Variants in BRD8 observed in about 807,000 individuals in gnomAD.
BRD8 encodes the protein bromodomain-containing protein 8.
BRD8 carries 67 observed loss-of-function variants against 143.1 expected under a neutral mutation model. The observed-to-expected ratio is 0.47, with a 90% CI of 0.38 to 0.57. BRD8 has a LOEUF of 0.57. Ranked by LOEUF, BRD8 falls within the 20% of genes least tolerant of loss-of-function variation. The probability of loss-of-function intolerance (pLI) is 0.00; values close to 1 mark genes in which losing one functional copy is unlikely to be tolerated. For missense variants in BRD8, 1,103 were observed against 1,503.0 expected, an observed-to-expected ratio of 0.73 and a Z score of 4.40; for synonymous variants, 505 against 517.1, an observed-to-expected ratio of 0.98 and a Z score of 0.32.
intron 20 of BRD8, chr5:138,157,369 G>C: frequency 6.8e-7 from 1 of 1,479,958 alleles, no homozygotes; most frequent in South Asian, 1.2e-5. Flanking sequence ...GGAGAGGGAA[G>C]AGAATCAGCA....
Position 138,171,415 on chromosome 5 carries a change from TAAAAAAA to T in BRD8, c.187-12_187-6del. 7.4e-7 allele frequency: 1 copy of T among 1,346,180 alleles called. No individual in the cohort carries two copies. Among genetic ancestry groups the T allele is most frequent in the Non-Finnish European group, 1.0e-6 (1 of 982,970 alleles). 83.4% of individuals were successfully genotyped at this position (1,346,180 alleles called of 1,614,324 possible). ...CGAGTACTGGGAAGCACAATGCTATTAAAAAAAAAAAAAAAAGTGAAAATGTGATGAG... is the reference window on the plus strand; with the variant it reads ...CGAGTACTGGGAAGCACAATGCTATTAAAAAAAAAGTGAAAATGTGATGAG... On this transcript the variant is annotated splice_polypyrimidine_tract_variant and splice_region_variant and intron_variant, in intron 3 of 26. Coordinates refer to ENST00000254900, the MANE Select transcript of BRD8 (RefSeq NM_139199.2).
Position 138,165,020 on chromosome 5 carries a change from T to G in BRD8, c.1425A>C (p.Ala475=). The change falls in exon 12 of 27, where the codon GCA becomes GCC. Residue 475 remains alanine (A), a synonymous_variant. Transcript: ENST00000254900. ...QERDKPVPLP[A]PEMTVKQERL... Reference sequence around the variant, plus strand: ...TCTCTTGCTTGACCGTCATTTCTGGTGCAGGGAGAGGTACTGGCTTGTCCC... The same window carrying G: ...TCTCTTGCTTGACCGTCATTTCTGGGGCAGGGAGAGGTACTGGCTTGTCCC... 1 of 1,614,184 alleles carries G rather than the reference T, an allele frequency of 6.2e-7. No individual in the cohort carries two copies. The highest frequency in any genetic ancestry group is 8.5e-7 in the Non-Finnish European group (1 of 1,180,030).
chr5:138,172,122 G>C lies in BRD8; in HGVS notation c.129C>G (p.Ser43Arg). 1 of 1,613,094 alleles carries C rather than the reference G, an allele frequency of 6.2e-7. No homozygotes were observed. Among genetic ancestry groups the C allele is most frequent in the Non-Finnish European group, 8.5e-7 (1 of 1,179,550 alleles). Residue 43 changes from serine to arginine, a missense_variant, in exon 3 of 27, where the codon AGC (serine) becomes AGG (arginine). By Grantham distance (110) the Ser-to-Arg change is moderately radical. This residue lies in a region of BRD8 where 69 missense variants were observed against 121.6 expected (regional missense o/e 0.57). Transcript: ENST00000254900. ...RSGDQNWVSV[S>R]RAIKPFAEPG... ...GTTCTGCAAAGGGCTTGATTGCTCT[G>C]CTAACTGATACCCTACAAAATGAGG...
intron 6 of BRD8, 191 bp downstream of exon 6, chr5:138,170,641 G>A: frequency 1.3e-6 from 1 of 764,780 alleles, no homozygotes; most frequent in East Asian, 2.5e-5. Context: ...TTTTCATACT[G>A]AAATGTCCCA....
chr5:138,165,687 C>G (rs532279531), intron 11 of BRD8, 141 bp downstream of exon 11: 19 of 955,216 alleles, frequency 2.0e-5, no homozygotes, highest in Admixed American at 3.0e-5. Flanking sequence ...GATCGTGCCA[C>G]TGCACTTCAG....
chr5:138,140,268 T>A, intron 26 of BRD8, 102 bp from the exon 27 acceptor site: 1 of 842,742 alleles, frequency 1.2e-6, no homozygotes, highest in Non-Finnish European at 1.9e-6. Flanking sequence ...ACTTTTTTCT[T>A]TAAAGTATGA....
chr5:138,171,066 C>T lies in BRD8; in HGVS notation c.331G>A (p.Val111Met). The T allele has an allele frequency of 1.2e-6, 2 of 1,613,896 alleles. No individual in the cohort carries two copies. The highest frequency in any genetic ancestry group is 1.7e-6 in the Non-Finnish European group (2 of 1,179,974). The change falls in exon 5 of 27, where the codon GTG becomes ATG. Residue 111 changes from valine to methionine, a missense_variant. Transcript: ENST00000254900. ...TAERVEELKKVIKETQERYRR... is the reference protein window; with the variant it reads ...TAERVEELKKMIKETQERYRR... The stretch of plus-strand genomic sequence containing the variant: ...TATCTCTCCTGGGTTTCCTTTATCA[C>T]TTTCTTTAGTTCTTCAACTCGCTCA...
chr5:138,146,087 T>C (rs1391944483), intron 23 of BRD8, among the ~76,000 whole-genome samples: 2 of 152,220 alleles, frequency 1.3e-5, no homozygotes, highest in African/African-American at 2.4e-5. Context: ...AGACAGAGTC[T>C]TGCTCTGTTG....
chr5:138,151,864 A>T, intron 21 of BRD8, among the ~76,000 whole-genome samples: 1 of 147,614 alleles, frequency 6.8e-6, no homozygotes, highest in Non-Finnish European at 1.5e-5. Flanking sequence ...TAATTAATTT[A>T]TTTATTTAGA....
chr5:138,168,215 G>A, intron 8 of BRD8, 137 bp from the exon 9 acceptor site: 1 of 711,972 alleles, frequency 1.4e-6, no homozygotes, highest in Non-Finnish European at 2.4e-6. Flanking sequence ...AGACCCAAGG[G>A]AAACTCTAAA....
chr5:138,172,544 A>AC (rs1753955347), intron 2 of BRD8, among the ~76,000 whole-genome samples: 1 of 146,602 alleles, frequency 6.8e-6, no homozygotes, highest in Non-Finnish European at 1.5e-5. Context: ...AAAAAAAAAA[A>AC]AAGCCAATGA....
chr5:138,177,556 T>C lies in BRD8; in HGVS notation c.116+15A>G. ...TTTCTAAGACCCAGAAAAGCTGACA[T>C]CCTAGATACCTTACCAATTTTGATC... is the stretch of plus-strand genomic sequence containing the variant. On this transcript the variant is annotated intron_variant, in intron 2 of 26. Coordinates refer to ENST00000254900, the MANE Select transcript of BRD8 (RefSeq NM_139199.2). 6.4e-7 allele frequency: 1 copy of C among 1,559,730 alleles called. No individual in the cohort carries two copies. Among genetic ancestry groups the C allele is most frequent in the African/African-American group, 1.4e-5 (1 of 73,316 alleles).
At position 138,140,051 on chromosome 5, in the gene BRD8, A is replaced by G; in HGVS notation, c.*23T>C. ...TCCGGGAGAGATTCAAACTCTAGAA[A>G]AAGTCAGGATAGCAGCTCCAGGTTA... On this transcript the variant is annotated 3_prime_UTR_variant, in exon 27 of 27. Transcript: ENST00000254900. 1.3e-6 allele frequency: 2 copies of G among 1,582,748 alleles called. No homozygotes were observed. Among genetic ancestry groups the G allele is most frequent in the Non-Finnish European group, 1.7e-6 (2 of 1,151,450 alleles).
chr5:138,140,277 G>T lies in BRD8; in HGVS notation c.3616-111C>A, dbSNP rs1387920798. 7.9e-6 allele frequency: 6 copies of T among 759,810 alleles called. No individual in the cohort carries two copies. In the African/African-American group the frequency reaches 8.8e-5, roughly 11 times the overall value. The allele number at this position is 759,810 out of a possible 1,614,324, so 47.1% of individuals were successfully genotyped here. On this transcript the variant is annotated intron_variant, in intron 26 of 26. Coordinates refer to ENST00000254900, the MANE Select transcript of BRD8 (RefSeq NM_139199.2). ...AACTATACTTTTTTCTTTAAAGTATGATGCTACCCAGAAAAGAAACCCACA... is the reference window on the plus strand; with the variant it reads ...AACTATACTTTTTTCTTTAAAGTATTATGCTACCCAGAAAAGAAACCCACA...
In BRD8 at chr5:138,150,815, C is replaced by T; in HGVS notation, c.3050G>A (p.Gly1017Glu). ...GGGAGCTGAAGCCACCTCTGGCTTT[C>T]CATTTTCTCCCAGTGGCTTTTCAGC... ...LVAEKPLGEN[G>E]KPEVASAPSV... Residue 1017 changes from glycine (G) to glutamate (E), a missense_variant, in exon 22 of 27, where the codon GGA becomes GAA. By Grantham distance (98) the Gly-to-Glu change is moderately conservative (BLOSUM62 -2). This residue lies in a region of BRD8 where 369 missense variants were observed against 445.5 expected (regional missense o/e 0.83). Transcript: ENST00000254900. 6.2e-7 allele frequency: 1 copy of T among 1,614,254 alleles called. No individual in the cohort carries two copies. Among genetic ancestry groups the T allele is most frequent in the Non-Finnish European group, 8.5e-7 (1 of 1,180,048 alleles).
chr5:138,173,692 C>G (rs929700201), intron 2 of BRD8, among the ~76,000 whole-genome samples: 9 of 152,118 alleles, frequency 5.9e-5, no homozygotes, highest in African/African-American at 1.9e-4. Context: ...GCAGCCCCAC[C>G]CAAGTAGCTG....
At chr5:138,165,723 C>T (rs1384968430) in intron 11 of BRD8, 105 bp downstream of exon 11, 11 of 1,180,188 alleles carry the variant, frequency 9.3e-6, no homozygotes, top group Non-Finnish European at 1.2e-5. Flanking sequence ...AAGACTCTGT[C>T]TCCAAAAAAA....
chr5:138,150,834 T>C lies in BRD8; in HGVS notation c.3031A>G (p.Lys1011Glu). 6.2e-7 allele frequency: 1 copy of C among 1,614,230 alleles called. No homozygotes were observed. Among genetic ancestry groups the C allele is most frequent in the South Asian group, 1.1e-5 (1 of 91,082 alleles). ...GGCTTTCCATTTTCTCCCAGTGGCT[T>C]TTCAGCTACTAAGGGGTCTCCTTTA... Reference protein sequence around the residue: ...SAKGDPLVAEKPLGENGKPEV... With the variant: ...SAKGDPLVAEEPLGENGKPEV... The change falls in exon 22 of 27, where the codon AAG (lysine) becomes GAG (glutamate). Residue 1011 changes from lysine to glutamate, a missense_variant. Physicochemically the swap from Lys to Glu is moderately conservative, Grantham distance 56. This residue lies in a region of BRD8 where 369 missense variants were observed against 445.5 expected (regional missense o/e 0.83). Transcript: ENST00000254900.
intron 22 of BRD8, 118 bp downstream of exon 22, chr5:138,150,627 C>T (rs1752340209): frequency 1.7e-6 from 2 of 1,198,198 alleles, no homozygotes; most frequent in Non-Finnish European, 2.3e-6. Context: ...GGTGCTAAAT[C>T]CAGGATTTGG....
Sources: allele counts gnomAD v4.1 joint callset (sites outside exome capture counted in the v4.1 genomes callset), GRCh38; gene constraint gnomAD v4.1.1; regional missense constraint gnomAD v4.1.1; transcripts MANE v1.5; gene names NCBI Gene and HGNC (gene_info 2026-07-23, HGNC 2026-07-21).